Variants in AHCYL2 observed in about 807,000 individuals in gnomAD.
AHCYL2 encodes adenosylhomocysteinase like 2, also known as S-adenosylhomocysteine hydrolase-like protein 2.
Under a neutral mutation model 81.4 loss-of-function variants are expected in AHCYL2, and 28 were observed. The ratio of observed to expected loss-of-function variants is 0.34; its 90% CI spans 0.25 to 0.47. The LOEUF is 0.47. Ranked by LOEUF, AHCYL2 falls within the 20% of genes least tolerant of loss-of-function variation. AHCYL2 has a pLI of 1.00. For synonymous variants in AHCYL2, 272 were observed against 290.2 expected, an observed-to-expected ratio of 0.94 and a Z score of 0.64; for missense variants, 551 against 785.1, an observed-to-expected ratio of 0.70 and a Z score of 3.56.
At chr7:129,392,125 C>T (rs1937134377) in intron 4 of AHCYL2, among the ~76,000 whole-genome samples, 1 of 152,036 alleles carries the variant, frequency 6.6e-6, no homozygotes, top group African/African-American at 2.4e-5. Context: ...ATGGATTGAT[C>T]ACAATTAGCT....
intron 12 of AHCYL2, among the ~76,000 whole-genome samples, chr7:129,414,764 G>A (rs1157066984): frequency 6.6e-6 from 1 of 152,098 alleles, no homozygotes; most frequent in Non-Finnish European, 1.5e-5. Flanking sequence ...ATCTCTCAGT[G>A]TGACTTTTAC....
At chr7:129,252,450 C>G (rs551059141) in intron 1 of AHCYL2, among the ~76,000 whole-genome samples, 1 of 152,316 alleles carries the variant, frequency 6.6e-6, no homozygotes, top group South Asian at 2.1e-4. Context: ...GTTTGGTATT[C>G]TCTTCTCAGA....
chr7:129,300,865 C>T (rs1797235360), intron 1 of AHCYL2, among the ~76,000 whole-genome samples: 1 of 152,146 alleles, frequency 6.6e-6, no homozygotes, highest in African/African-American at 2.4e-5. Context: ...GATGGAGTCT[C>T]ACTCTGTCGC....
At chr7:129,403,860 CAAAAAAAAAAAAAAAAAA>C (rs34806455) in intron 7 of AHCYL2, among the ~76,000 whole-genome samples, 1 of 80,200 alleles carries the variant, frequency 1.2e-5, no homozygotes, top group Non-Finnish European at 2.7e-5. Context: ...GACTCCATCT[CAAAAAAAAAAAAAAAAAA>C]AAAAAAAAAA....
chr7:129,243,805 G>T (rs941313797), intron 1 of AHCYL2, among the ~76,000 whole-genome samples: 2 of 151,900 alleles, frequency 1.3e-5, no homozygotes, highest in African/African-American at 4.8e-5. Context: ...TGGTCAGCCA[G>T]GATGGTCTCG....
chr7:129,335,495 G>A (rs1005988504), intron 1 of AHCYL2, among the ~76,000 whole-genome samples: 5 of 152,156 alleles, frequency 3.3e-5, no homozygotes, highest in Non-Finnish European at 7.3e-5. Flanking sequence ...GAATTTAGGG[G>A]CTTAAAGTAA....
chr7:129,425,302 A>C (rs1012380782), intron 15 of AHCYL2, among the ~76,000 whole-genome samples, 161 bp downstream of exon 15: 2 of 152,024 alleles, frequency 1.3e-5, no homozygotes, highest in Admixed American at 6.6e-5. Flanking sequence ...CCATTTATTT[A>C]TCCCATTTTC....
At position 129,427,971 on chromosome 7, in the gene AHCYL2, T is replaced by TA; in HGVS notation, c.*927dup. On this transcript the variant is annotated 3_prime_UTR_variant, in exon 17 of 17. Coordinates refer to ENST00000325006, the MANE Select transcript of AHCYL2 (RefSeq NM_015328.4). This position sits in a 1 kb window ranked among gnomAD's most constrained non-coding sequence, Gnocchi z 5.5. ...GCCTAAAGCTACGTCTGAAACTGAG[T>TA]AGGGAAAGGCATACTTTTCCAGGGA... is the stretch of plus-strand genomic sequence containing the variant. 1 of 152,496 alleles carries TA rather than the reference T, an allele frequency of 6.6e-6. No homozygotes were observed. The allele number at this position is 152,496 out of a possible 1,614,324, so 9.4% of individuals were successfully genotyped here.
chr7:129,228,708 T>C (rs542592345), intron 1 of AHCYL2, among the ~76,000 whole-genome samples: 1 of 152,364 alleles, frequency 6.6e-6, no homozygotes, highest in African/African-American at 2.4e-5. Flanking sequence ...ATTAAAACTT[T>C]CTGACAATAA....
At chr7:129,287,181 G>T (rs2718089) in intron 1 of AHCYL2, among the ~76,000 whole-genome samples, 98,130 of 151,516 alleles carry the variant, frequency 0.65, 32,380 homozygotes, top group Middle Eastern at 0.72. Flanking sequence ...AAACTCCACT[G>T]TACACTTATA....
chr7:129,408,113 T>C (rs1418113198), intron 10 of AHCYL2, among the ~76,000 whole-genome samples: 2 of 152,190 alleles, frequency 1.3e-5, no homozygotes. Flanking sequence ...TCACTGTAAG[T>C]ATTTGGGTCT....
rs144978998 is a variant in AHCYL2, at chr7:129,262,377, C to T, written c.363+36938C>T. 5.2e-3 allele frequency among the ~76,000 whole-genome samples: 787 copies of T among 152,258 alleles called. 11 individuals are homozygous for T. The highest frequency in any genetic ancestry group is 0.018 in the African/African-American group (751 of 41,548). ...TACATGCACAGTTGAGCTTCTTACC[C>T]CTTTATGGGTTGCATGTACAGAGAA... On this transcript the variant is annotated intron_variant, in intron 1 of 16. Coordinates refer to ENST00000325006, the MANE Select transcript of AHCYL2 (RefSeq NM_015328.4).
At chr7:129,360,954 C>A (rs1264680807) in intron 1 of AHCYL2, among the ~76,000 whole-genome samples, 1 of 152,174 alleles carries the variant, frequency 6.6e-6, no homozygotes, top group Non-Finnish European at 1.5e-5. Context: ...TAGGCTGTTA[C>A]ATGAATGGAA....
At chr7:129,254,372 C>T (rs1184918987) in intron 1 of AHCYL2, among the ~76,000 whole-genome samples, 2 of 152,116 alleles carry the variant, frequency 1.3e-5, no homozygotes, top group Admixed American at 1.3e-4. Flanking sequence ...ACTGCTTATA[C>T]CTTTCAAACC....
intron 13 of AHCYL2, among the ~76,000 whole-genome samples, chr7:129,424,268 C>T (rs915619168): frequency 6.6e-5 from 10 of 151,116 alleles, no homozygotes; most frequent in Non-Finnish European, 1.2e-4. Flanking sequence ...GGCATGGTGG[C>T]GCACACCTGT....
At chr7:129,235,667 C>A (rs1209121444) in intron 1 of AHCYL2, among the ~76,000 whole-genome samples, 1 of 152,202 alleles carries the variant, frequency 6.6e-6, no homozygotes, top group African/African-American at 2.4e-5. Flanking sequence ...AAGTGAGCTG[C>A]TCACCTCAGC....
chr7:129,322,572 G>A (rs760946461), intron 1 of AHCYL2, among the ~76,000 whole-genome samples: 1 of 152,130 alleles, frequency 6.6e-6, no homozygotes, highest in Non-Finnish European at 1.5e-5. Context: ...TTAGCAAAAA[G>A]CTGTTCATAA....
chr7:129,282,803 T>C (rs533231688), intron 1 of AHCYL2, among the ~76,000 whole-genome samples: 1 of 152,260 alleles, frequency 6.6e-6, no homozygotes, highest in South Asian at 2.1e-4. Flanking sequence ...CACAGTTAAT[T>C]TATTAATACA....
chr7:129,323,029 C>T (rs1798095347), intron 1 of AHCYL2, among the ~76,000 whole-genome samples: 1 of 152,152 alleles, frequency 6.6e-6, no homozygotes, highest in African/African-American at 2.4e-5. Flanking sequence ...GTTCATTGAT[C>T]TTCTCAAAGA....
Sources: gnomAD v4.1 joint callset for allele counts (sites outside exome capture counted in the v4.1 genomes callset) on GRCh38, gnomAD v4.1.1 for gene constraint, Gnocchi (gnomAD v3.1) non-coding constraint, MANE v1.5 for transcripts, NCBI Gene and HGNC (gene_info 2026-07-23, HGNC 2026-07-21) for gene names.